The following OPCML variants were observed in gnomAD, a reference collection of about 807,000 sequenced individuals.
OPCML encodes opioid binding protein/cell adhesion molecule like.
In OPCML, 13 loss-of-function variants were observed where a neutral mutation model predicts 37.8. The ratio of observed to expected loss-of-function variants is 0.34; its 90% CI spans 0.22 to 0.55. The LOEUF is 0.55. Ranked by LOEUF, OPCML falls within the 20% of genes least tolerant of loss-of-function variation. OPCML has a pLI of 0.91. For missense variants in OPCML, 341 were observed against 435.6 expected (o/e 0.78, Z 1.93); for synonymous variants, 176 against 168.8 (o/e 1.04, Z -0.33).
chr11:133,431,797 A>C (rs1362484191), intron 1 of OPCML, among the ~76,000 whole-genome samples: 1 of 147,884 alleles, frequency 6.8e-6, no homozygotes, highest in Non-Finnish European at 1.5e-5. Context: ...TATATATAAA[A>C]TATTTATATA....
intron 2 of OPCML, among the ~76,000 whole-genome samples, chr11:132,694,773 A>G (rs3019860): frequency 0.49 from 74,579 of 151,900 alleles, 18,452 homozygotes; most frequent in Admixed American, 0.56. Flanking sequence ...TATCTGCCCA[A>G]GGATCCCAGG....
At chr11:132,733,356 A>C (rs559837100) in intron 2 of OPCML, among the ~76,000 whole-genome samples, 2 of 152,250 alleles carry the variant, frequency 1.3e-5, no homozygotes, top group Admixed American at 6.5e-5. Context: ...AAAGAGGATT[A>C]AAAGAACAAG....
intron 1 of OPCML, among the ~76,000 whole-genome samples, chr11:133,525,469 GA>G (rs1412746415): frequency 6.6e-6 from 1 of 152,186 alleles, no homozygotes; most frequent in Non-Finnish European, 1.5e-5. Context: ...TGGGTCATTT[GA>G]AGTGTTTCGA....
intron 2 of OPCML, among the ~76,000 whole-genome samples, chr11:132,712,130 A>G (rs1253048253): frequency 6.6e-6 from 1 of 152,206 alleles, no homozygotes; most frequent in Non-Finnish European, 1.5e-5. Context: ...AGGGGTTGGT[A>G]GTACAGCTAT....
At chr11:133,325,951 C>T (rs1189831245) in intron 1 of OPCML, among the ~76,000 whole-genome samples, 3 of 152,144 alleles carry the variant, frequency 2.0e-5, no homozygotes, top group Non-Finnish European at 4.4e-5. Flanking sequence ...TTGTCCATCA[C>T]AATAGAACGG....
intron 3 of OPCML, among the ~76,000 whole-genome samples, chr11:132,534,849 T>C (rs1297073658): frequency 1.3e-5 from 2 of 152,130 alleles, no homozygotes; most frequent in Non-Finnish European, 2.9e-5. Context: ...TGTTAGCTGT[T>C]ATTAGCCTTT....
At chr11:132,642,459 T>C (rs1199602532) in intron 3 of OPCML, among the ~76,000 whole-genome samples, 3 of 152,310 alleles carry the variant, frequency 2.0e-5, no homozygotes, top group Non-Finnish European at 2.9e-5. Context: ...TTCACATGTA[T>C]TAAAAAGGAG....
intron 4 of OPCML, among the ~76,000 whole-genome samples, chr11:132,465,979 T>C (rs2096118295): frequency 1.3e-5 from 2 of 152,188 alleles, no homozygotes; most frequent in Admixed American, 1.3e-4. Context: ...CACATTCCTG[T>C]CTTTTTCATT....
At chr11:132,502,363 C>G (rs2096247377) in intron 4 of OPCML, among the ~76,000 whole-genome samples, 1 of 152,114 alleles carries the variant, frequency 6.6e-6, no homozygotes, top group Non-Finnish European at 1.5e-5. Context: ...CTTGCATCCT[C>G]TTTTTAAGCA....
intron 1 of OPCML, among the ~76,000 whole-genome samples, chr11:132,949,208 C>T (rs1046320276): frequency 6.6e-6 from 1 of 151,840 alleles, no homozygotes; most frequent in Non-Finnish European, 1.5e-5. Context: ...GGCGACCCAC[C>T]TGGGAAAAAC....
At position 132,450,011 on chromosome 11, in the gene OPCML, C is replaced by T. The variant is rs377193998; in HGVS notation, c.506-12652G>A. 6.6e-5 allele frequency among the ~76,000 whole-genome samples: 10 copies of T among 152,238 alleles called. No homozygotes were observed. The South Asian group carries it at 1.2e-3, about 19-fold the overall frequency. ...GTTCTGTTTCTGCCCCAGAAACCTG[C>T]GCTGGCTCTGGTTCTGGGAGATGGA... On this transcript the variant is annotated intron_variant, in intron 4 of 7. Coordinates refer to ENST00000524381, the MANE Select transcript of OPCML (RefSeq NM_001012393.5).
chr11:132,522,359 A>C (rs931193546), intron 4 of OPCML, among the ~76,000 whole-genome samples: 3 of 152,222 alleles, frequency 2.0e-5, no homozygotes, highest in African/African-American at 7.2e-5. Flanking sequence ...AGAGGTAATA[A>C]AATAGTAAAA....
chr11:133,337,830 G>A (rs1452211844), intron 1 of OPCML, among the ~76,000 whole-genome samples: 2 of 152,278 alleles, frequency 1.3e-5, no homozygotes, highest in Non-Finnish European at 2.9e-5. Flanking sequence ...AAAAGGAGAT[G>A]ATGTTACAGC....
chr11:132,695,383 T>C (rs919960263), intron 2 of OPCML, among the ~76,000 whole-genome samples: 1 of 152,106 alleles, frequency 6.6e-6, no homozygotes, highest in Non-Finnish European at 1.5e-5. Context: ...ATGGAAGCCA[T>C]GGAAGTGCGG....
intron 1 of OPCML, among the ~76,000 whole-genome samples, chr11:133,292,842 C>G (rs1165884871): frequency 6.6e-6 from 1 of 152,160 alleles, no homozygotes; most frequent in Non-Finnish European, 1.5e-5. Context: ...CTTGTGGCTC[C>G]TCATCATGAT....
intron 1 of OPCML, among the ~76,000 whole-genome samples, chr11:133,048,713 C>G (rs1302057302): frequency 6.6e-6 from 1 of 152,160 alleles, no homozygotes; most frequent in African/African-American, 2.4e-5. Flanking sequence ...AGAGCTGATA[C>G]AGAGAGATGC....
At chr11:133,276,001 A>G (rs1051370267) in intron 1 of OPCML, among the ~76,000 whole-genome samples, 2 of 152,198 alleles carry the variant, frequency 1.3e-5, no homozygotes, top group Non-Finnish European at 2.9e-5. Context: ...AAAACAAAAA[A>G]AGAGAGATGG....
At chr11:132,912,109 T>G (rs1264528784) in intron 2 of OPCML, among the ~76,000 whole-genome samples, 1 of 151,936 alleles carries the variant, frequency 6.6e-6, no homozygotes, top group East Asian at 1.9e-4. Context: ...TGGAATAACA[T>G]GGACTCTTTC....
Position 132,657,330 on chromosome 11 carries a change from G to A in OPCML, c.147-11C>T. The A allele has an allele frequency of 1.2e-6, 2 of 1,613,712 alleles. No individual in the cohort carries two copies. The highest frequency in any genetic ancestry group is 2.2e-5 in the South Asian group (2 of 91,060). On this transcript the variant is annotated splice_polypyrimidine_tract_variant and intron_variant, in intron 2 of 7. Coordinates refer to ENST00000524381, the MANE Select transcript of OPCML (RefSeq NM_001012393.5). ...TCATCTATGGTACACCTGCAGTGAG[G>A]CAGGGAGTGGTGGAGGGAGGAAGAA...
Sources: gnomAD v4.1 joint callset for allele counts (sites outside exome capture counted in the v4.1 genomes callset) on GRCh38, gnomAD v4.1.1 for gene constraint, MANE v1.5 for transcripts, NCBI Gene and HGNC (gene_info 2026-07-23, HGNC 2026-07-21) for gene names.